Variants in PIK3C2A observed in about 807,000 individuals in gnomAD.
PIK3C2A encodes the protein phosphatidylinositol 4-phosphate 3-kinase C2 domain-containing subunit alpha.
In PIK3C2A, 97 loss-of-function variants were observed where a neutral mutation model predicts 204.5. The observed-to-expected ratio is 0.47, with a 90% CI of 0.40 to 0.56. The LOEUF (loss-of-function observed/expected upper bound fraction) is 0.56. Among genes scored for constraint, PIK3C2A ranks in the 20% least tolerant of loss-of-function variants. The pLI is 0.00. For synonymous variants in PIK3C2A, 653 were observed against 664.4 expected, an observed-to-expected ratio of 0.98 and a Z score of 0.26; for missense variants, 1,735 against 1,969.2, an observed-to-expected ratio of 0.88 and a Z score of 2.25.
rs1006480353 is a variant in PIK3C2A at position 17,089,066 on chromosome 11, T to C, written c.*672A>G. 7 of 152,170 alleles carry C rather than the reference T, an allele frequency of 4.6e-5. No individual in the cohort carries two copies. The highest frequency in any genetic ancestry group is 7.3e-5 in the Non-Finnish European group (5 of 68,032). The allele number at this position is 152,170 out of a possible 1,614,324, so 9.4% of individuals were successfully genotyped here. A position where few individuals can be genotyped will look rare whatever the true frequency, so the allele number is the denominator to read the frequency against. On this transcript the variant is annotated 3_prime_UTR_variant, in exon 33 of 33. Coordinates refer to ENST00000691414, the MANE Select transcript of PIK3C2A (RefSeq NM_002645.4). The stretch of plus-strand genomic sequence containing the variant: ...GTGAAAACTATGTACTAATTATTTA[T>C]CAAATCAGGAAAAAAATCAGAAACG...
chr11:17,117,613 C>T lies in PIK3C2A; in HGVS notation c.3094G>A (p.Gly1032Ser), dbSNP rs1849239572. Residue 1032 changes from glycine (G) to serine (S), a missense_variant, in exon 19 of 33, where the codon GGT becomes AGT. By Grantham distance (56) the Gly-to-Ser change is moderately conservative. Around this residue, in one of 6 missense-constraint regions of PIK3C2A, gnomAD observed 567 missense variants for 576.0 expected, o/e 0.98. Coordinates refer to ENST00000691414, the MANE Select transcript of PIK3C2A (RefSeq NM_002645.4). The stretch of plus-strand genomic sequence containing the variant: ...TTTCCTCCTACTGACAGGAGAGCAC[C>T]CAAAACATGTTCGTATCGGGTACTA... ...QFSTRYEHVL[G>S]ALLSVGGKRL... 1 of 1,613,290 alleles carries T rather than the reference C, an allele frequency of 6.2e-7. No individual in the cohort carries two copies. The highest frequency in any genetic ancestry group is 1.1e-5 in the South Asian group (1 of 91,062).
intron 2 of PIK3C2A, among the ~76,000 whole-genome samples, chr11:17,164,599 T>C (rs963901738): frequency 7.9e-5 from 12 of 152,324 alleles, no homozygotes; most frequent in East Asian, 7.7e-4. Context: ...CACTCTCTGA[T>C]TGATCCCCTG....
intron 1 of PIK3C2A, among the ~76,000 whole-genome samples, chr11:17,187,289 A>G (rs754973973): frequency 1.3e-5 from 2 of 152,240 alleles, no homozygotes; most frequent in African/African-American, 4.8e-5. Context: ...GAAATGGTTA[A>G]TATTGTCAGA....
In PIK3C2A at chr11:17,117,673, T is replaced by C. The variant is rs2137333659; in HGVS notation, c.3036-2A>G. The C allele has an allele frequency of 7.3e-7, 1 of 1,369,290 alleles. No individual in the cohort carries two copies. The highest frequency in any genetic ancestry group is 1.0e-6 in the Non-Finnish European group (1 of 984,556). The allele number at this position is 1,369,290 out of a possible 1,614,324, so 84.8% of individuals were successfully genotyped here. On this transcript the variant is annotated splice_acceptor_variant, in intron 18 of 32. Transcript: ENST00000691414. LOFTEE classifies it high-confidence loss of function. ...TCATGCAGGGCATCTTTGAGAAGCC[T>C]AATACAGCAAAATATTTATGTTAGT...
At chr11:17,158,460 C>T (rs939375044) in intron 2 of PIK3C2A, among the ~76,000 whole-genome samples, 19 of 151,554 alleles carry the variant, frequency 1.3e-4, no homozygotes, top group African/African-American at 4.1e-4. Context: ...ACTATTATTA[C>T]TCCCATTTTA....
chr11:17,138,051 A>G (rs1849932777), intron 8 of PIK3C2A: 1 of 654,300 alleles, frequency 1.5e-6, no homozygotes, highest in South Asian at 1.4e-5. Context: ...TAAGGAAAGC[A>G]TGCTTGATCC....
intron 13 of PIK3C2A, among the ~76,000 whole-genome samples, 170 bp from the exon 14 acceptor site, chr11:17,122,983 G>A (rs567879554): frequency 6.6e-6 from 1 of 152,262 alleles, no homozygotes; most frequent in South Asian, 2.1e-4. Flanking sequence ...AACTTTTCAG[G>A]TGTAGGGTAA....
intron 8 of PIK3C2A, among the ~76,000 whole-genome samples, chr11:17,137,206 G>A (rs1054344105): frequency 1.8e-4 from 28 of 151,958 alleles, no homozygotes; most frequent in African/African-American, 6.8e-4. Flanking sequence ...CACCCTTGAG[G>A]CTTGGCTACT....
intron 27 of PIK3C2A, among the ~76,000 whole-genome samples, chr11:17,095,565 T>C (rs35493302): frequency 0.21 from 32,266 of 151,258 alleles, 3,770 homozygotes; most frequent in Middle Eastern, 0.33. Flanking sequence ...CACTCCAGCC[T>C]GGGCAACAGA....
rs776703617 is a variant in PIK3C2A, at chr11:17,119,203, T to A, written c.2940+17A>T. On this transcript the variant is annotated intron_variant, in intron 17 of 32. Transcript: ENST00000691414. ...AGAGTGAAAGTATAAAGGGAGGTAA[T>A]CTAGTAAAAAACTCACTTGTACAAA... The A allele has an allele frequency of 6.8e-6, 9 of 1,324,852 alleles. No individual in the cohort carries two copies. The African/African-American group carries it at 8.7e-5, about 13-fold the overall frequency. 82.1% of individuals were successfully genotyped at this position (1,324,852 alleles called of 1,614,324 possible).
chr11:17,182,715 G>A (rs971820217), intron 1 of PIK3C2A, among the ~76,000 whole-genome samples: 2 of 152,128 alleles, frequency 1.3e-5, no homozygotes, highest in Non-Finnish European at 2.9e-5. Flanking sequence ...TAAGAGACAT[G>A]GGGAAAGGAT....
chr11:17,147,491 A>C (rs1222045894), intron 6 of PIK3C2A, 26 bp downstream of exon 6: 13 of 1,188,318 alleles, frequency 1.1e-5, no homozygotes, highest in Non-Finnish European at 1.5e-5. Context: ...AAACAAATGG[A>C]ATTCAGTTAT....
In PIK3C2A at chr11:17,098,758, T is replaced by G. The variant is rs536341826; in HGVS notation, c.4118+1102A>C. Reference sequence around the variant, plus strand: ...TCAGTGTTTTATACCTCTTCTCCACTGAGAGGAAGAAGGCAAGAGAAAAAG... The same window carrying G: ...TCAGTGTTTTATACCTCTTCTCCACGGAGAGGAAGAAGGCAAGAGAAAAAG... On this transcript the variant is annotated intron_variant, in intron 26 of 32. Coordinates refer to ENST00000691414, the MANE Select transcript of PIK3C2A (RefSeq NM_002645.4). Among the ~76,000 whole-genome samples the G allele has an allele frequency of 3.7e-4, 57 of 152,220 alleles. 1 individual carries two copies. The highest frequency in any genetic ancestry group is 3.7e-3 in the East Asian group (19 of 5,172).
At chr11:17,105,856 CCT>C (rs1848794562) in intron 22 of PIK3C2A, among the ~76,000 whole-genome samples, 1 of 152,180 alleles carries the variant, frequency 6.6e-6, no homozygotes. Context: ...CGCCTGCAGT[CCT>C]AGCACTCTGG....
Position 17,119,906 on chromosome 11 carries a change from A to G in PIK3C2A, c.2726T>C (p.Leu909Pro). ...RYYCFKHPNC[L>P]PKILASAPNW... The stretch of plus-strand genomic sequence containing the variant: ...TGGGGCGCTTGCTAATATTTTAGGA[A>G]GACAATTTGGGTGTTTGAAGCAATA... Residue 909 changes from leucine to proline, a missense_variant, in exon 16 of 33, where the codon CTT becomes CCT. Physicochemically the swap from Leu to Pro is moderately conservative, Grantham distance 98. Coordinates refer to ENST00000691414, the MANE Select transcript of PIK3C2A (RefSeq NM_002645.4). 1 of 1,611,470 alleles carries G rather than the reference A, an allele frequency of 6.2e-7. No individual in the cohort carries two copies. Among genetic ancestry groups the G allele is most frequent in the Non-Finnish European group, 8.5e-7 (1 of 1,178,482 alleles).
chr11:17,157,122 G>A (rs531409108), intron 2 of PIK3C2A, among the ~76,000 whole-genome samples: 2 of 152,164 alleles, frequency 1.3e-5, no homozygotes, highest in African/African-American at 4.8e-5. Flanking sequence ...CTAAAACCCT[G>A]GGGCTCTTGT....
chr11:17,172,697 C>A (rs995413977), intron 1 of PIK3C2A, among the ~76,000 whole-genome samples: 1 of 152,222 alleles, frequency 6.6e-6, no homozygotes, highest in East Asian at 1.9e-4. Context: ...AAACGGTTTT[C>A]TTTTCCTTTC....
chr11:17,106,584 C>T (rs1848827904), intron 22 of PIK3C2A, among the ~76,000 whole-genome samples: 1 of 152,072 alleles, frequency 6.6e-6, no homozygotes, highest in Admixed American at 6.5e-5. Context: ...TGCCCAACAC[C>T]ATGCCCAGCT....
chr11:17,179,681 T>C (rs775282339), intron 1 of PIK3C2A, among the ~76,000 whole-genome samples: 10 of 152,138 alleles, frequency 6.6e-5, no homozygotes, highest in Non-Finnish European at 1.2e-4. Flanking sequence ...AGTGACATCA[T>C]CATAGCTCAC....
Sources: allele counts gnomAD v4.1 joint callset (sites outside exome capture counted in the v4.1 genomes callset), GRCh38; gene constraint gnomAD v4.1.1; regional missense constraint gnomAD v4.1.1; transcripts MANE v1.5; gene names NCBI Gene and HGNC (gene_info 2026-07-23, HGNC 2026-07-21).